The following PCGF6 variants were observed in gnomAD, a reference collection of about 807,000 sequenced individuals.
PCGF6 encodes polycomb group ring finger 6.
Under a neutral mutation model 45.5 loss-of-function variants are expected in PCGF6, and 24 were observed. The ratio of observed to expected loss-of-function variants is 0.53; its 90% CI spans 0.38 to 0.74. The LOEUF (loss-of-function observed/expected upper bound fraction) is 0.74, where lower values mean the gene tolerates loss of function less well. Ranked by LOEUF, PCGF6 falls within the 30% of genes least tolerant of loss-of-function variation. The pLI is 0.00. For synonymous variants in PCGF6, 152 were observed against 162.1 expected, an observed-to-expected ratio of 0.94 and a Z score of 0.47; for missense variants, 356 against 443.2, an observed-to-expected ratio of 0.80 and a Z score of 1.77.
At chr10:103,322,799 G>A (rs79099624) in intron 8 of PCGF6, among the ~76,000 whole-genome samples, 1 of 151,732 alleles carries the variant, frequency 6.6e-6, no homozygotes, top group Non-Finnish European at 1.5e-5. Context: ...ACTCCAGCAT[G>A]GGTGACAGAG....
intron 1 of PCGF6, among the ~76,000 whole-genome samples, chr10:103,350,250 G>C (rs2093316139): frequency 1.3e-5 from 2 of 150,256 alleles, no homozygotes; most frequent in African/African-American, 4.9e-5. Flanking sequence ...TGGGAACATA[G>C]GGAGCCCTCC....
chr10:103,335,972 A>G (rs1180158558), intron 6 of PCGF6, among the ~76,000 whole-genome samples: 1 of 151,644 alleles, frequency 6.6e-6, no homozygotes, highest in Non-Finnish European at 1.5e-5. Flanking sequence ...TCTCAAAAAA[A>G]TAAAGGAAAA....
chr10:103,307,518 G>A (rs760136271), intron 9 of PCGF6, among the ~76,000 whole-genome samples: 4 of 152,126 alleles, frequency 2.6e-5, no homozygotes, highest in Non-Finnish European at 4.4e-5. Context: ...TTGCTCTGTC[G>A]CACAGGCTGG....
At chr10:103,317,776 G>T (rs2093181513) in intron 8 of PCGF6, among the ~76,000 whole-genome samples, 2 of 150,800 alleles carry the variant, frequency 1.3e-5, no homozygotes, top group Non-Finnish European at 3.0e-5. Context: ...TTTTTTTTGA[G>T]ACAGAGTTTC....
chr10:103,342,202 C>T (rs553318442), intron 6 of PCGF6, among the ~76,000 whole-genome samples: 1 of 151,674 alleles, frequency 6.6e-6, no homozygotes, highest in East Asian at 1.9e-4. Context: ...TCCTCAAGTG[C>T]TGGGATTAAG....
intron 9 of PCGF6, among the ~76,000 whole-genome samples, chr10:103,313,339 CG>C (rs2133558657): frequency 6.6e-6 from 1 of 152,194 alleles, no homozygotes; most frequent in African/African-American, 2.4e-5. Flanking sequence ...CCAAGGTGGG[CG>C]GATCACTTGA....
chr10:103,336,514 C>T (rs996821660), intron 6 of PCGF6, among the ~76,000 whole-genome samples: 3 of 152,078 alleles, frequency 2.0e-5, no homozygotes, highest in Non-Finnish European at 4.4e-5. Flanking sequence ...TCAGCTTCTA[C>T]CTGAATATCT....
chr10:103,319,341 C>T (rs946736648), intron 8 of PCGF6, among the ~76,000 whole-genome samples: 4 of 151,828 alleles, frequency 2.6e-5, no homozygotes, highest in East Asian at 1.9e-4. Flanking sequence ...TTAGTAGAGA[C>T]GGGGTTTCAC....
At chr10:103,319,467 G>A (rs910918501) in intron 8 of PCGF6, among the ~76,000 whole-genome samples, 2 of 151,880 alleles carry the variant, frequency 1.3e-5, no homozygotes, top group African/African-American at 4.8e-5. Context: ...ACTCTTCTTT[G>A]CTACTAAGTT....
intron 1 of PCGF6, among the ~76,000 whole-genome samples, chr10:103,350,015 G>T (rs1473887469): frequency 6.6e-6 from 1 of 151,536 alleles, no homozygotes; most frequent in Non-Finnish European, 1.5e-5. Context: ...CCTGGGAGGC[G>T]GAGGTTGCAG....
At chr10:103,318,601 C>T (rs868347212) in intron 8 of PCGF6, among the ~76,000 whole-genome samples, 3 of 150,710 alleles carry the variant, frequency 2.0e-5, no homozygotes, top group Admixed American at 6.6e-5. Flanking sequence ...AAAAATTAGC[C>T]GGGCATGGTG....
intron 1 of PCGF6, among the ~76,000 whole-genome samples, chr10:103,349,952 G>A (rs1043678010): frequency 2.6e-5 from 4 of 151,380 alleles, no homozygotes; most frequent in Admixed American, 6.6e-5. Flanking sequence ...CGTGGTGGCG[G>A]GCGCCTTGTA....
rs190780559 is a variant in PCGF6 at position 103,306,275 on chromosome 10, T to C, written c.997-2314A>G. 6.2e-3 allele frequency among the ~76,000 whole-genome samples: 948 copies of C among 152,156 alleles called. 9 individuals are homozygous for C. The highest frequency in any genetic ancestry group is 6.8e-3 in the Non-Finnish European group (459 of 67,996). On this transcript the variant is annotated intron_variant, in intron 9 of 9. Transcript: ENST00000369847. ...AACACCCACCGCTAATTTTTGTATT[T>C]TGAGTAGAGATGGGGTTTCTCCATG...
chr10:103,344,185 G>A lies in PCGF6; in HGVS notation c.782+839C>T, dbSNP rs1260911119. Among the ~76,000 whole-genome samples, 11 of 151,588 alleles carry A rather than the reference G, an allele frequency of 7.3e-5. No homozygotes were observed. In the East Asian group the frequency reaches 2.1e-3, roughly 29 times the overall value. The stretch of plus-strand genomic sequence containing the variant: ...CTGAGTGAAAAGTATACCATTTCAA[G>A]TTTGGCAAAAACAATGCTACATATT... On this transcript the variant is annotated intron_variant, in intron 6 of 9. Transcript: ENST00000369847.
intron 4 of PCGF6, 42 bp downstream of exon 4, chr10:103,347,353 A>C (rs2093303314): frequency 6.3e-7 from 1 of 1,588,144 alleles, no homozygotes; most frequent in African/African-American, 1.3e-5. Flanking sequence ...TACTAGAGTC[A>C]GAGATTCTGG....
chr10:103,335,890 C>G (rs1363197520), intron 6 of PCGF6, among the ~76,000 whole-genome samples: 1 of 143,970 alleles, frequency 6.9e-6, no homozygotes, highest in East Asian at 2.1e-4. Context: ...CTGCTTGAAC[C>G]CGGGAGGCGG....
At position 103,351,100 on chromosome 10, in the gene PCGF6, G is replaced by A. The variant is rs1177944404; in HGVS notation, c.-34C>T. On this transcript the variant is annotated 5_prime_UTR_variant, in exon 1 of 10. Coordinates refer to ENST00000369847, the MANE Select transcript of PCGF6 (RefSeq NM_001011663.2). ...GAGACACCAGGCGAGGCGAGGCGGC[G>A]GGAGAGCGCGGGAGTTCGGCCGGCC... is the stretch of plus-strand genomic sequence containing the variant. The A allele has an allele frequency of 1.5e-5, 20 of 1,339,670 alleles. No individual in the cohort carries two copies. Among genetic ancestry groups the A allele is most frequent in the Admixed American group, 6.0e-5 (2 of 33,062 alleles). 83.0% of individuals were successfully genotyped at this position (1,339,670 alleles called of 1,614,324 possible). A position where few individuals can be genotyped will look rare whatever the true frequency, so the allele number is the denominator to read the frequency against.
Position 103,345,144 on chromosome 10 carries a change from TCAAA to T in PCGF6, c.674-16_674-13del, listed in dbSNP as rs1179575400. 6.5e-7 allele frequency: 1 copy of T among 1,540,890 alleles called. No individual in the cohort carries two copies. The highest frequency in any genetic ancestry group is 8.8e-7 in the Non-Finnish European group (1 of 1,130,240). On this transcript the variant is annotated splice_polypyrimidine_tract_variant and intron_variant, in intron 5 of 9. Transcript: ENST00000369847. Reference sequence around the variant, plus strand: ...TGGCTGTGGAACAGCTATTTAATAGTCAAACAAAAATGTTAATTAAGAATAAAAA... The same window carrying T: ...TGGCTGTGGAACAGCTATTTAATAGTCAAAAATGTTAATTAAGAATAAAAA...
At chr10:103,333,858 T>C in intron 7 of PCGF6, 67 bp downstream of exon 7, 4 of 1,197,444 alleles carry the variant, frequency 3.3e-6, no homozygotes, top group East Asian at 2.6e-5. Context: ...ATTTGGTTGC[T>C]AATCTGACTC....
Sources: allele counts gnomAD v4.1 joint callset (sites outside exome capture counted in the v4.1 genomes callset), GRCh38; gene constraint gnomAD v4.1.1; transcripts MANE v1.5; gene names NCBI Gene and HGNC (gene_info 2026-07-23, HGNC 2026-07-21).